Variants in DPRX observed in about 807,000 individuals in gnomAD.
DPRX encodes divergent paired-related homeobox.
Under a neutral mutation model 8.4 loss-of-function variants are expected in DPRX, and 11 were observed. The ratio of observed to expected loss-of-function variants is 1.31; its 90% CI spans 0.82 to 2.17. The LOEUF (loss-of-function observed/expected upper bound fraction) is 2.17, where lower values mean the gene tolerates loss of function less well. DPRX is among the 30% of genes most tolerant of loss of function. DPRX has a pLI of 0.00. For missense variants in DPRX, 211 were observed against 236.7 expected (o/e 0.89, Z 0.71); for synonymous variants, 72 against 87.0 (o/e 0.83, Z 0.96).
At chr19:53,603,614 T>G in the DPRX span, 1 of 310,112 alleles carries the variant, frequency 3.2e-6, no homozygotes, top group African/African-American at 2.2e-5. Flanking sequence ...GAGAGCCTAA[T>G]ACACCCACGG....
upstream of DPRX, among the ~76,000 whole-genome samples, chr19:53,628,920 C>G (rs1047877369): frequency 1.3e-5 from 2 of 151,800 alleles, no homozygotes; most frequent in African/African-American, 4.8e-5. Flanking sequence ...AAATAAAGTC[C>G]CATAAGCAGG....
chr19:53,614,894 A>C, the DPRX span, among the ~76,000 whole-genome samples: 1 of 151,946 alleles, frequency 6.6e-6, no homozygotes, highest in African/African-American at 2.4e-5. Flanking sequence ...CTAAGGCAGG[A>C]GGATCTCTTG....
the DPRX span, among the ~76,000 whole-genome samples, chr19:53,619,700 A>G: frequency 6.8e-6 from 1 of 147,080 alleles, no homozygotes; most frequent in Non-Finnish European, 1.5e-5. Flanking sequence ...CAAAAAACAG[A>G]AAAAATTAGC....
the DPRX span, among the ~76,000 whole-genome samples, chr19:53,611,810 G>A: frequency 3.1e-4 from 47 of 152,204 alleles, no homozygotes; most frequent in African/African-American, 1.0e-3. Context: ...CTGGCTGGGC[G>A]CAGTGGCTCA....
chr19:53,616,981 G>A, the DPRX span: 1 of 1,174,260 alleles, frequency 8.5e-7, no homozygotes, highest in South Asian at 1.2e-5. Context: ...GCCAGGTGTT[G>A]GCTCTATGAC....
chr19:53,603,431 C>G, the DPRX span: 1 of 456,316 alleles, frequency 2.2e-6, no homozygotes, highest in African/African-American at 2.0e-5. Flanking sequence ...ACAGACTCGC[C>G]GGAGTGCTGG....
the DPRX span, among the ~76,000 whole-genome samples, chr19:53,604,096 G>A: frequency 6.6e-6 from 1 of 151,834 alleles, no homozygotes; most frequent in Non-Finnish European, 1.5e-5. Flanking sequence ...GGCATTCCAC[G>A]CTGCCCATGC....
intron 1 of DPRX, among the ~76,000 whole-genome samples, chr19:53,633,912 G>A (rs2091102363): frequency 6.6e-6 from 1 of 152,128 alleles, no homozygotes; most frequent in Non-Finnish European, 1.5e-5. Flanking sequence ...CCAAAGTGCT[G>A]GGATTACAGG....
the DPRX span, among the ~76,000 whole-genome samples, chr19:53,623,777 C>T: frequency 6.6e-6 from 1 of 151,842 alleles, no homozygotes; most frequent in African/African-American, 2.4e-5. Flanking sequence ...ATGGTGAAAC[C>T]CCGTCTCTAC....
rs975529220 is a variant in DPRX, at chr19:53,636,467, G to T, written c.184-129G>T. On this transcript the variant is annotated intron_variant, in intron 2 of 2. Coordinates refer to ENST00000376650, the Ensembl canonical transcript of DPRX. ...AAAAAGAAAAGTTAAAAACTTAAAG[G>T]TTAAAAAAAAGAATATAAATAAATA... 2.4e-5 allele frequency: 19 copies of T among 798,130 alleles called. No individual in the cohort carries two copies. In the South Asian group the frequency reaches 6.4e-4, roughly 27 times the overall value. 49.4% of individuals were successfully genotyped at this position (798,130 alleles called of 1,614,324 possible). A position where few individuals can be genotyped will look rare whatever the true frequency, so the allele number is the denominator to read the frequency against.
chr19:53,620,625 A>G, the DPRX span, among the ~76,000 whole-genome samples: 2 of 152,084 alleles, frequency 1.3e-5, no homozygotes, highest in African/African-American at 4.8e-5. Context: ...TTGGCCTCCC[A>G]AAGTGCTGGG....
chr19:53,627,780 G>A (rs1395976620), upstream of DPRX, among the ~76,000 whole-genome samples: 1 of 151,018 alleles, frequency 6.6e-6, no homozygotes, highest in Admixed American at 6.6e-5. Context: ...TCTGGGTGTG[G>A]TGGCTCACGC....
chr19:53,616,113 G>C, the DPRX span, among the ~76,000 whole-genome samples: 1 of 151,928 alleles, frequency 6.6e-6, no homozygotes, highest in East Asian at 1.9e-4. Context: ...TTAGCTGGGC[G>C]TGGTGGTGCA....
chr19:53,624,077 AC>A, the DPRX span, among the ~76,000 whole-genome samples: 1 of 124,198 alleles, frequency 8.1e-6, no homozygotes, highest in Admixed American at 9.1e-5. Context: ...TGATTGTTGT[AC>A]CTTTTTTTTT....
At chr19:53,612,552 C>G in the DPRX span, among the ~76,000 whole-genome samples, 1 of 151,688 alleles carries the variant, frequency 6.6e-6, no homozygotes, top group African/African-American at 2.4e-5. Context: ...ATGAAAAATA[C>G]AAAAATTAGC....
At chr19:53,618,640 C>A in the DPRX span, among the ~76,000 whole-genome samples, 1 of 140,914 alleles carries the variant, frequency 7.1e-6, no homozygotes. Flanking sequence ...AAAAAGAGTA[C>A]TAAAGACTCA....
the DPRX span, among the ~76,000 whole-genome samples, chr19:53,623,473 T>C: frequency 3.3e-5 from 5 of 151,244 alleles, no homozygotes; most frequent in African/African-American, 7.3e-5. Flanking sequence ...ACCCTATTTC[T>C]ACTAAAAATA....
At chr19:53,613,788 C>T in the DPRX span, among the ~76,000 whole-genome samples, 3 of 152,214 alleles carry the variant, frequency 2.0e-5, no homozygotes, top group South Asian at 2.1e-4. Context: ...TGGGACAGAA[C>T]ATGGCCCCTA....
At chr19:53,623,767 A>G in the DPRX span, among the ~76,000 whole-genome samples, 2 of 152,058 alleles carry the variant, frequency 1.3e-5, no homozygotes, top group Non-Finnish European at 1.5e-5. Flanking sequence ...CCTGGCCAAC[A>G]TGGTGAAACC....
Sources: gnomAD v4.1 joint callset for allele counts (sites outside exome capture counted in the v4.1 genomes callset) on GRCh38, gnomAD v4.1.1 for gene constraint, MANE v1.5 for transcripts, NCBI Gene and HGNC (gene_info 2026-07-23, HGNC 2026-07-21) for gene names.